The following HES3 variants were observed in gnomAD, a reference collection of about 807,000 sequenced individuals.
HES3 encodes transcription factor HES-3.
HES3 carries 6 observed loss-of-function variants against 8.0 expected under a neutral mutation model. The ratio of observed to expected loss-of-function variants is 0.75; its 90% CI spans 0.41 to 1.49. HES3 has a LOEUF of 1.49. Ranked by LOEUF, HES3 falls within the 40% of genes most tolerant of loss-of-function variation. The pLI, the probability that HES3 is intolerant of heterozygous loss-of-function variation, is 0.01. For synonymous variants in HES3, 121 were observed against 119.4 expected (o/e 1.01, Z -0.09); for missense variants, 266 against 260.9 (o/e 1.02, Z -0.13).
Position 6,244,464 on chromosome 1 carries a change from T to TGGGGGGG in HES3, c.81+23_81+24insGGGGGGG. 1 of 286,044 alleles carries TGGGGGGG rather than the reference T, an allele frequency of 3.5e-6. No individual in the cohort carries two copies. Among genetic ancestry groups the TGGGGGGG allele is most frequent in the Non-Finnish European group, 6.9e-6 (1 of 145,970 alleles). 17.7% of individuals were successfully genotyped at this position (286,044 alleles called of 1,614,324 possible). A position where few individuals can be genotyped will look rare whatever the true frequency, so the allele number is the denominator to read the frequency against. ...CGCACCAGGTGAGACTCAGGCGGGG[T>TGGGGGGG]GGGGGTGGGTGGGTGATACGATCCC... On this transcript the variant is annotated intron_variant, in intron 2 of 3. Transcript: ENST00000377898.
chr1:6,244,525 T>C, intron 2 of HES3, 23 bp from the exon 3 acceptor site: 1 of 1,613,956 alleles, frequency 6.2e-7, no homozygotes. Flanking sequence ...GCCGGTCTAA[T>C]AGACCTTTCC....
At position 6,244,403 on chromosome 1, in the gene HES3, T is replaced by C. The variant is rs771956731; in HGVS notation, c.38T>C (p.Leu13Pro). Residue 13 changes from leucine to proline, a missense_variant, in exon 2 of 4, where the codon CTG becomes CCG. By Grantham distance (98) the Leu-to-Pro change is moderately conservative. Transcript: ENST00000377898. ...CGCCGGGCACGCATCAATGTGTCAC[T>C]GGAGCAGCTCAAGTCGCTGCTGGAG... is the stretch of plus-strand genomic sequence containing the variant. Reference protein sequence around the residue: ...KKRRARINVSLEQLKSLLEKH... With the variant: ...KKRRARINVSPEQLKSLLEKH... 5.9e-6 allele frequency: 9 copies of C among 1,524,152 alleles called. No homozygotes were observed. The South Asian group carries it at 1.0e-4, about 17-fold the overall frequency. 94.4% of individuals were successfully genotyped at this position (1,524,152 alleles called of 1,614,324 possible). A position where few individuals can be genotyped will look rare whatever the true frequency, so the allele number is the denominator to read the frequency against.
chr1:6,245,407 T>TC lies in HES3; in HGVS notation c.467dup (p.Pro157AlafsTer28). 2 of 1,536,208 alleles carry TC rather than the reference T, an allele frequency of 1.3e-6. No homozygotes were observed. The highest frequency in any genetic ancestry group is 2.5e-5 in the East Asian group (1 of 39,860). On this transcript the variant is annotated frameshift_variant, in exon 4 of 4. Coordinates refer to ENST00000377898, the MANE Select transcript of HES3 (RefSeq NM_001024598.4). LOFTEE classifies it low-confidence loss of function (END_TRUNC). ...AGTCTCCCTGGCTCGTCCGCCAGCG[T>TC]CCCCCCGCCGCAGCCAGCGTCGAGT...
Position 6,244,187 on chromosome 1 carries a change from C to T in HES3, c.-70C>T. On this transcript the variant is annotated 5_prime_UTR_variant, in exon 1 of 4. Coordinates refer to ENST00000377898, the MANE Select transcript of HES3 (RefSeq NM_001024598.4). ...CTGCCTCGCACTGGTGCATGGACTG[C>T]AACATGGGCACGGAGCCTGCTGCCC... is the stretch of plus-strand genomic sequence containing the variant. The T allele has an allele frequency of 1.6e-6, 1 of 625,880 alleles. No individual in the cohort carries two copies. The highest frequency in any genetic ancestry group is 2.9e-6 in the Non-Finnish European group (1 of 348,964). 38.8% of individuals were successfully genotyped at this position (625,880 alleles called of 1,614,324 possible).
At chr1:6,244,663 C>A (rs1638263942) in intron 3 of HES3, 34 bp downstream of exon 3, 2 of 1,568,540 alleles carry the variant, frequency 1.3e-6, no homozygotes, top group Non-Finnish European at 1.7e-6. Flanking sequence ...GAGGGGGAGG[C>A]TTGTGGGATC....
In HES3 at chr1:6,244,564, TGGA is replaced by T; in HGVS notation, c.100_102del (p.Glu34del). On this transcript the variant is annotated inframe_deletion, in exon 3 of 4. Coordinates refer to ENST00000377898, the MANE Select transcript of HES3 (RefSeq NM_001024598.4). ...GTCGGGTAGATCCGGAAGCGCAAAT[TGGA>T]GAAGGCCGACATCCTGGAGTTGAGC... 6.2e-7 allele frequency: 1 copy of T among 1,613,748 alleles called. No individual in the cohort carries two copies. Among genetic ancestry groups the T allele is most frequent in the Non-Finnish European group, 8.5e-7 (1 of 1,179,914 alleles).
Position 6,245,332 on chromosome 1 carries a change from C to A in HES3, c.386C>A (p.Pro129Gln). ...ACCCCTGCCGTCTGGGCTCCTGCTC[C>A]GGCCGCCGGCGGCCCGCGGTCCCCA... ...PCTPAVWAPAPAAGGPRSPPP... is the reference protein window; with the variant it reads ...PCTPAVWAPAQAAGGPRSPPP... The change falls in exon 4 of 4, where the codon CCG becomes CAG. Residue 129 changes from proline (P) to glutamine (Q), a missense_variant. Pro to Gln is a moderately conservative substitution (Grantham distance 76). Transcript: ENST00000377898. 1 of 1,502,020 alleles carries A rather than the reference C, an allele frequency of 6.7e-7. No individual in the cohort carries two copies. The highest frequency in any genetic ancestry group is 2.7e-5 in the East Asian group (1 of 36,750). The allele number at this position is 1,502,020 out of a possible 1,614,324, so 93.0% of individuals were successfully genotyped here. A position where few individuals can be genotyped will look rare whatever the true frequency, so the allele number is the denominator to read the frequency against.
In HES3 at chr1:6,245,469, T is replaced by A; in HGVS notation, c.523T>A (p.Trp175Arg). ...AESPGLGLRVWRPWGSPGDDL... is the reference protein window; with the variant it reads ...AESPGLGLRVRRPWGSPGDDL... ...GAGTCCCGGGCTGGGCCTGCGCGTG[T>A]GGCGGCCCTGGGGAAGCCCCGGGGA... Residue 175 changes from tryptophan (W) to arginine (R), a missense_variant, in exon 4 of 4, where the codon TGG becomes AGG. Coordinates refer to ENST00000377898, the MANE Select transcript of HES3 (RefSeq NM_001024598.4). 1.3e-6 allele frequency: 2 copies of A among 1,522,344 alleles called. No individual in the cohort carries two copies. The highest frequency in any genetic ancestry group is 8.7e-7 in the Non-Finnish European group (1 of 1,149,640). The allele number at this position is 1,522,344 out of a possible 1,614,324, so 94.3% of individuals were successfully genotyped here. A position where few individuals can be genotyped will look rare whatever the true frequency, so the allele number is the denominator to read the frequency against.
intron 2 of HES3, 49 bp downstream of exon 2, chr1:6,244,495 C>A (rs1468950035): frequency 8.1e-6 from 13 of 1,612,984 alleles, no homozygotes; most frequent in Non-Finnish European, 1.0e-5. Context: ...ATCCCAACCT[C>A]CCTCTCTCCA....
chr1:6,244,731 C>A, intron 3 of HES3, 102 bp downstream of exon 3: 1 of 1,086,468 alleles, frequency 9.2e-7, no homozygotes, highest in Non-Finnish European at 1.4e-6. Context: ...CGCTTGACCC[C>A]GGGCTTTTGA....
In HES3 at chr1:6,245,553, C is replaced by T. The variant is rs1304123539; in HGVS notation, c.*46C>T. On this transcript the variant is annotated 3_prime_UTR_variant, in exon 4 of 4. Coordinates refer to ENST00000377898, the MANE Select transcript of HES3 (RefSeq NM_001024598.4). ...CGCGACACAGGGACTATTTTCAGCACGCCCACAGTGACTGCCAGGACCCCC... is the reference window on the plus strand; with the variant it reads ...CGCGACACAGGGACTATTTTCAGCATGCCCACAGTGACTGCCAGGACCCCC... 2 of 1,439,026 alleles carry T rather than the reference C, an allele frequency of 1.4e-6. No individual in the cohort carries two copies. Among genetic ancestry groups the T allele is most frequent in the Non-Finnish European group, 1.8e-6 (2 of 1,104,400 alleles). The allele number at this position is 1,439,026 out of a possible 1,614,324, so 89.1% of individuals were successfully genotyped here. A position where few individuals can be genotyped will look rare whatever the true frequency, so the allele number is the denominator to read the frequency against.
chr1:6,245,107 C>A lies in HES3; in HGVS notation c.164-3C>A. On this transcript the variant is annotated splice_region_variant and splice_polypyrimidine_tract_variant and intron_variant, in intron 3 of 3. Transcript: ENST00000377898. ...TGTTTCTCGCGTCCGCTCTTCCCCA[C>A]AGGGCTCTGGCCTGTGCCCAGGGGA... is the stretch of plus-strand genomic sequence containing the variant. The A allele has an allele frequency of 1.3e-6, 2 of 1,495,678 alleles. No homozygotes were observed. Among genetic ancestry groups the A allele is most frequent in the East Asian group, 2.6e-5 (1 of 38,132 alleles). 92.7% of individuals were successfully genotyped at this position (1,495,678 alleles called of 1,614,324 possible).
chr1:6,244,179 A>G lies in HES3; in HGVS notation c.-78A>G. ...AGGCGGCGCTGCCTCGCACTGGTGC[A>G]TGGACTGCAACATGGGCACGGAGCC... On this transcript the variant is annotated 5_prime_UTR_variant, in exon 1 of 4. It removes an upstream start codon present in the reference 5' UTR. Transcript: ENST00000377898. 1.6e-6 allele frequency: 1 copy of G among 619,138 alleles called. No homozygotes were observed. The highest frequency in any genetic ancestry group is 1.9e-5 in the South Asian group (1 of 51,868). The allele number at this position is 619,138 out of a possible 1,614,324, so 38.4% of individuals were successfully genotyped here.
chr1:6,245,212 G>A lies in HES3; in HGVS notation c.266G>A (p.Gly89Asp), dbSNP rs759883218. ...CGGCGCGGAGATGAGGTCGGCAGCG[G>A]CCTGCGCTGCCCCCTGGTGCCCGAG... ...LLRRGDEVGS[G>D]LRCPLVPESA... Residue 89 changes from glycine (G) to aspartate (D), a missense_variant, in exon 4 of 4, where the codon GGC (glycine) becomes GAC (aspartate). Transcript: ENST00000377898. 2.0e-6 allele frequency: 3 copies of A among 1,525,988 alleles called. No individual in the cohort carries two copies. The highest frequency in any genetic ancestry group is 2.5e-5 in the East Asian group (1 of 39,784). 94.5% of individuals were successfully genotyped at this position (1,525,988 alleles called of 1,614,324 possible). A position where few individuals can be genotyped will look rare whatever the true frequency, so the allele number is the denominator to read the frequency against.
Position 6,245,106 on chromosome 1 carries a change from A to G in HES3, c.164-4A>G. ...CTGTTTCTCGCGTCCGCTCTTCCCCACAGGGCTCTGGCCTGTGCCCAGGGG... is the reference window on the plus strand; with the variant it reads ...CTGTTTCTCGCGTCCGCTCTTCCCCGCAGGGCTCTGGCCTGTGCCCAGGGG... On this transcript the variant is annotated splice_region_variant and splice_polypyrimidine_tract_variant and intron_variant, in intron 3 of 3. Transcript: ENST00000377898. 1 of 1,384,306 alleles carries G rather than the reference A, an allele frequency of 7.2e-7. No homozygotes were observed. Among genetic ancestry groups the G allele is most frequent in the Non-Finnish European group, 9.4e-7 (1 of 1,062,080 alleles). 85.8% of individuals were successfully genotyped at this position (1,384,306 alleles called of 1,614,324 possible).
chr1:6,244,768 A>G (rs1638266461), intron 3 of HES3, 139 bp downstream of exon 3: 1 of 783,446 alleles, frequency 1.3e-6, no homozygotes, highest in Non-Finnish European at 2.1e-6. Context: ...ATGGCAAGAC[A>G]GCAAATATAA....
Position 6,245,554 on chromosome 1 carries a change from G to C in HES3, c.*47G>C. On this transcript the variant is annotated 3_prime_UTR_variant, in exon 4 of 4. Coordinates refer to ENST00000377898, the MANE Select transcript of HES3 (RefSeq NM_001024598.4). ...GCGACACAGGGACTATTTTCAGCAC[G>C]CCCACAGTGACTGCCAGGACCCCCC... The C allele has an allele frequency of 7.0e-7, 1 of 1,436,266 alleles. No individual in the cohort carries two copies. The highest frequency in any genetic ancestry group is 9.1e-7 in the Non-Finnish European group (1 of 1,102,710). The allele number at this position is 1,436,266 out of a possible 1,614,324, so 89.0% of individuals were successfully genotyped here. A position where few individuals can be genotyped will look rare whatever the true frequency, so the allele number is the denominator to read the frequency against.
chr1:6,245,097 C>T lies in HES3; in HGVS notation c.164-13C>T. On this transcript the variant is annotated splice_polypyrimidine_tract_variant and intron_variant, in intron 3 of 3. Transcript: ENST00000377898. ...TTCCCCTCCCTGTTTCTCGCGTCCG[C>T]TCTTCCCCACAGGGCTCTGGCCTGT... The T allele has an allele frequency of 3.4e-6, 5 of 1,463,628 alleles. No individual in the cohort carries two copies. Among genetic ancestry groups the T allele is most frequent in the East Asian group, 2.7e-5 (1 of 36,954 alleles). The allele number at this position is 1,463,628 out of a possible 1,614,324, so 90.7% of individuals were successfully genotyped here. A position where few individuals can be genotyped will look rare whatever the true frequency, so the allele number is the denominator to read the frequency against.
At position 6,244,402 on chromosome 1, in the gene HES3, C is replaced by G. The variant is rs1195460135; in HGVS notation, c.37C>G (p.Leu13Val). 1.3e-6 allele frequency: 2 copies of G among 1,510,532 alleles called. No individual in the cohort carries two copies. Among genetic ancestry groups the G allele is most frequent in the Non-Finnish European group, 1.8e-6 (2 of 1,117,922 alleles). 93.6% of individuals were successfully genotyped at this position (1,510,532 alleles called of 1,614,324 possible). Residue 13 changes from leucine (L) to valine (V), a missense_variant, in exon 2 of 4, where the codon CTG (leucine) becomes GTG (valine). Physicochemically the swap from Leu to Val is conservative, Grantham distance 32 (BLOSUM62 1). Coordinates refer to ENST00000377898, the MANE Select transcript of HES3 (RefSeq NM_001024598.4). ...GCGCCGGGCACGCATCAATGTGTCACTGGAGCAGCTCAAGTCGCTGCTGGA... is the reference window on the plus strand; with the variant it reads ...GCGCCGGGCACGCATCAATGTGTCAGTGGAGCAGCTCAAGTCGCTGCTGGA... ...KKRRARINVS[L>V]EQLKSLLEKH...
Sources: allele counts gnomAD v4.1 joint callset, GRCh38; gene constraint gnomAD v4.1.1; transcripts MANE v1.5; gene names NCBI Gene and HGNC (gene_info 2026-07-23, HGNC 2026-07-21).